Variants in LAMA2 observed in about 807,000 individuals in gnomAD.
The protein encoded by LAMA2 is laminin subunit alpha-2.
LAMA2 carries 269 observed loss-of-function variants against 364.8 expected under a neutral mutation model. The ratio of observed to expected loss-of-function variants is 0.74; its 90% CI spans 0.67 to 0.82. The LOEUF is 0.82. LAMA2 is among the 40% of genes least tolerant of loss of function. The pLI is 0.00. For missense variants in LAMA2, 3,807 were observed against 3,873.2 expected (o/e 0.98, Z 0.45); for synonymous variants, 1,379 against 1,370.6 (o/e 1.01, Z -0.14).
chr6:129,459,006 G>T (rs527503342), intron 48 of LAMA2, among the ~76,000 whole-genome samples: 4 of 152,182 alleles, frequency 2.6e-5, no homozygotes, highest in East Asian at 1.9e-4. Context: ...ATATAATACA[G>T]TCATGTGTCA....
chr6:129,301,811 C>A (rs1303509727), intron 22 of LAMA2, among the ~76,000 whole-genome samples: 2 of 152,054 alleles, frequency 1.3e-5, no homozygotes, highest in Non-Finnish European at 2.9e-5. Context: ...CCATCACCCC[C>A]CATGTGCCTA....
chr6:129,410,533 A>C (rs543194903), intron 40 of LAMA2, among the ~76,000 whole-genome samples: 1 of 152,284 alleles, frequency 6.6e-6, no homozygotes, highest in South Asian at 2.1e-4. Context: ...TTAGATCTTC[A>C]CTAGAAATAA....
rs779577371 is a variant in LAMA2 at position 129,315,640 on chromosome 6, A to G, written c.3720A>G (p.Gln1240=). 6.2e-7 allele frequency: 1 copy of G among 1,614,178 alleles called. No individual in the cohort carries two copies. Among genetic ancestry groups the G allele is most frequent in the South Asian group, 1.1e-5 (1 of 91,080 alleles). The change falls in exon 25 of 65, where the codon CAA becomes CAG. Residue 1240 remains glutamine, a synonymous_variant. Transcript: ENST00000421865. ...CTTTTTATTGGAAACTTCCAGAACA[A>G]TTTGAAGGAAAGAAGGTAAGCACAA... The part of the protein sequence containing the change: ...LEPFYWKLPE[Q]FEGKKLMAYG...
intron 4 of LAMA2, among the ~76,000 whole-genome samples, chr6:129,131,248 T>A (rs1777458830): frequency 6.6e-6 from 1 of 152,210 alleles, no homozygotes; most frequent in Non-Finnish European, 1.5e-5. Flanking sequence ...AGAAAAGGAA[T>A]GTTGTGAAAT....
At chr6:129,477,284 C>T (rs960531175) in intron 53 of LAMA2, among the ~76,000 whole-genome samples, 7 of 145,484 alleles carry the variant, frequency 4.8e-5, no homozygotes, top group Non-Finnish European at 1.0e-4. Flanking sequence ...TGGCTAGTAA[C>T]TACTGATTTG....
chr6:129,044,462 AT>A (rs1440534993), intron 1 of LAMA2, among the ~76,000 whole-genome samples: 1 of 151,818 alleles, frequency 6.6e-6, no homozygotes, highest in East Asian at 1.9e-4. Context: ...AAGTTAGGTG[AT>A]TTTTTTCAAA....
chr6:129,017,966 A>C (rs1004785661), intron 1 of LAMA2, among the ~76,000 whole-genome samples: 1 of 151,970 alleles, frequency 6.6e-6, no homozygotes, highest in Non-Finnish European at 1.5e-5. Context: ...AACATCCTGA[A>C]ATCAGAAATT....
At chr6:129,171,670 G>A (rs1346486323) in intron 9 of LAMA2, among the ~76,000 whole-genome samples, 17 of 139,860 alleles carry the variant, frequency 1.2e-4, no homozygotes, top group Non-Finnish European at 1.5e-4. Flanking sequence ...TGCTCTTCTC[G>A]AGGAGTATCT....
intron 58 of LAMA2, among the ~76,000 whole-genome samples, chr6:129,496,722 C>T (rs1049264893): frequency 2.6e-5 from 4 of 152,062 alleles, no homozygotes; most frequent in Admixed American, 2.6e-4. Flanking sequence ...TATTAAGCAC[C>T]TACTAAGTGC....
intron 7 of LAMA2, among the ~76,000 whole-genome samples, chr6:129,152,503 TATC>T (rs1437447670): frequency 6.6e-6 from 1 of 152,224 alleles, no homozygotes; most frequent in Non-Finnish European, 1.5e-5. Flanking sequence ...ACAGGCATAT[TATC>T]ATGATCCTCG....
rs746185972 is a variant in LAMA2 at position 129,192,737 on chromosome 6, C to G, written c.1666C>G (p.Pro556Ala). The change falls in exon 12 of 65, where the codon CCC (proline) becomes GCC (alanine). Residue 556 changes from proline to alanine, a missense_variant. By Grantham distance (27) the Pro-to-Ala change is conservative (BLOSUM62 -1). This residue lies in a region of LAMA2 where 3,333 missense variants were observed against 3,345.7 expected (regional missense o/e 1.00). Transcript: ENST00000421865. ...CCTTCCTGGCCGCATTCGAGTGGCT[C>G]CCCAGCAGGACGACTTGGACTCACC... The part of the protein sequence containing the change: ...TDLPGRIRVA[P>A]QQDDLDSPQQ... 1.2e-6 allele frequency: 2 copies of G among 1,613,986 alleles called. No homozygotes were observed. Among genetic ancestry groups the G allele is most frequent in the Non-Finnish European group, 1.7e-6 (2 of 1,180,010 alleles).
chr6:128,954,466 G>T (rs1372516114), intron 1 of LAMA2, among the ~76,000 whole-genome samples: 1 of 151,814 alleles, frequency 6.6e-6, no homozygotes, highest in Non-Finnish European at 1.5e-5. Context: ...ATTTTTTATA[G>T]CTCTTTAAAA....
chr6:128,899,804 A>T (rs1423214079), intron 1 of LAMA2, among the ~76,000 whole-genome samples: 1 of 152,074 alleles, frequency 6.6e-6, no homozygotes, highest in Non-Finnish European at 1.5e-5. Context: ...AGGATATTCC[A>T]GTAAGAGTTG....
At chr6:129,241,372 T>C (rs1257169881) in intron 12 of LAMA2, among the ~76,000 whole-genome samples, 3 of 152,194 alleles carry the variant, frequency 2.0e-5, no homozygotes, top group Non-Finnish European at 2.9e-5. Flanking sequence ...AATAAACCAC[T>C]AGGTTTTTAG....
chr6:128,933,007 C>T (rs571095268), intron 1 of LAMA2, among the ~76,000 whole-genome samples: 3 of 152,296 alleles, frequency 2.0e-5, no homozygotes, highest in Admixed American at 2.0e-4. Flanking sequence ...ACCCCAATTC[C>T]TGGCAACCAC....
At chr6:128,934,584 C>G (rs1779698950) in intron 1 of LAMA2, among the ~76,000 whole-genome samples, 1 of 151,986 alleles carries the variant, frequency 6.6e-6, no homozygotes, top group Non-Finnish European at 1.5e-5. Context: ...TCACTGCAAC[C>G]TCCGTCTCCT....
chr6:129,116,370 C>T (rs1403898110), intron 4 of LAMA2, among the ~76,000 whole-genome samples: 3 of 152,066 alleles, frequency 2.0e-5, no homozygotes, highest in East Asian at 3.9e-4. Flanking sequence ...GATGACTTCA[C>T]GTCTTGACTC....
chr6:129,048,708 G>A (rs966306803), intron 1 of LAMA2, among the ~76,000 whole-genome samples: 3 of 151,030 alleles, frequency 2.0e-5, no homozygotes, highest in Non-Finnish European at 2.9e-5. Flanking sequence ...TCCACCTCCC[G>A]GGCTCAAGCA....
intron 12 of LAMA2, among the ~76,000 whole-genome samples, chr6:129,233,105 C>T (rs997280479): frequency 2.0e-5 from 3 of 152,064 alleles, no homozygotes; most frequent in Non-Finnish European, 2.9e-5. Flanking sequence ...GTATCCATGC[C>T]GACACCATCA....
Sources: allele counts gnomAD v4.1 joint callset (sites outside exome capture counted in the v4.1 genomes callset), GRCh38; gene constraint gnomAD v4.1.1; regional missense constraint gnomAD v4.1.1; transcripts MANE v1.5; gene names NCBI Gene and HGNC (gene_info 2026-07-23, HGNC 2026-07-21).